The following INPP5A variants were observed in gnomAD, a reference collection of about 807,000 sequenced individuals.
The protein encoded by INPP5A is 43 kDa inositol polyphosphate 5-phophatase.
A neutral mutation model predicts 65.2 loss-of-function variants in INPP5A; 14 were observed. The observed-to-expected ratio is 0.21, with a 90% CI of 0.14 to 0.34. The LOEUF (loss-of-function observed/expected upper bound fraction) is 0.34, where lower values mean the gene tolerates loss of function less well. INPP5A is among the 10% of genes least tolerant of loss of function. INPP5A has a pLI of 1.00. For synonymous variants in INPP5A, 207 were observed against 208.3 expected (o/e 0.99, Z 0.05); for missense variants, 431 against 545.6 (o/e 0.79, Z 2.09).
At chr10:132,708,180 C>A in intron 6 of INPP5A, 133 bp from the exon 7 acceptor site, 1 of 722,948 alleles carries the variant, frequency 1.4e-6, no homozygotes, top group Non-Finnish European at 2.4e-6. Context: ...TTTAGTGGGG[C>A]GGCATCAGTG....
chr10:132,747,494 C>T (rs990611829), intron 9 of INPP5A, among the ~76,000 whole-genome samples: 1 of 152,248 alleles, frequency 6.6e-6, no homozygotes, highest in Non-Finnish European at 1.5e-5. Flanking sequence ...AGAGGCGGGT[C>T]GGGCTGCCGA....
rs2133459341 is a variant in INPP5A, at chr10:132,682,659, CA to C, written c.307-7732del. Among the ~76,000 whole-genome samples, 2 of 152,328 alleles carry C rather than the reference CA, an allele frequency of 1.3e-5. 1 individual carries two copies. The highest frequency in any genetic ancestry group is 4.1e-4 in the South Asian group (2 of 4,832). ...TGTGTCTGTGGTGACCCAGCAAGGCCATCTGTGTATTATATACATATGCACG... is the reference window on the plus strand; with the variant it reads ...TGTGTCTGTGGTGACCCAGCAAGGCCTCTGTGTATTATATACATATGCACG... On this transcript the variant is annotated intron_variant, in intron 4 of 15. Coordinates refer to ENST00000368594, the MANE Select transcript of INPP5A (RefSeq NM_005539.5).
At chr10:132,718,048 C>T (rs1845775963) in intron 8 of INPP5A, among the ~76,000 whole-genome samples, 1 of 148,334 alleles carries the variant, frequency 6.7e-6, no homozygotes, top group African/African-American at 2.5e-5. Context: ...AGACGGCTGT[C>T]TTGCGGGTTC....
rs1275544753 is a variant in INPP5A, at chr10:132,587,071, C to T, written c.76-20844C>T. Among the ~76,000 whole-genome samples the T allele has an allele frequency of 1.3e-5, 2 of 152,216 alleles. No homozygotes were observed. Among genetic ancestry groups the T allele is most frequent in the Admixed American group, 6.5e-5 (1 of 15,284 alleles). On this transcript the variant is annotated intron_variant, in intron 1 of 15. Coordinates refer to ENST00000368594, the MANE Select transcript of INPP5A (RefSeq NM_005539.5). The surrounding 1 kb of genome is among the most constrained non-coding windows in gnomAD (Gnocchi z 4.3). ...AGCAAGATCACTGTCACTAGGACTG[C>T]GTGTATTCCAGTCACAGCTGAGCCA...
In INPP5A at chr10:132,690,563, C is replaced by T. The variant is rs1004770269; in HGVS notation, c.370+108C>T. ...TGTCTCTGTGAGTGGCCACTGTGGG[C>T]TGGGTGTCTTGAGCCACTGTCCAGA... is the stretch of plus-strand genomic sequence containing the variant. On this transcript the variant is annotated intron_variant, in intron 5 of 15. Transcript: ENST00000368594. 4 of 823,882 alleles carry T rather than the reference C, an allele frequency of 4.9e-6. No individual in the cohort carries two copies. In the East Asian group the frequency reaches 9.8e-5, roughly 20 times the overall value. 51.0% of individuals were successfully genotyped at this position (823,882 alleles called of 1,614,324 possible).
rs534354832 is a variant in INPP5A, at chr10:132,690,879, C to T, written c.370+424C>T. The stretch of plus-strand genomic sequence containing the variant: ...GGAAAAGACTTGCCCTGAGACGCTC[C>T]GCTGACACAAGCTGTCCCCTCCTGT... On this transcript the variant is annotated intron_variant, in intron 5 of 15. Coordinates refer to ENST00000368594, the MANE Select transcript of INPP5A (RefSeq NM_005539.5). Among the ~76,000 whole-genome samples, 166 of 152,300 alleles carry T rather than the reference C, an allele frequency of 1.1e-3. 2 individuals are homozygous for T. The highest frequency in any genetic ancestry group is 3.8e-3 in the African/African-American group (160 of 41,562).
chr10:132,710,533 GT>G lies in INPP5A; in HGVS notation c.647+78del, dbSNP rs1417110293. 5 of 1,555,860 alleles carry G rather than the reference GT, an allele frequency of 3.2e-6. No individual in the cohort carries two copies. In the East Asian group the frequency reaches 1.2e-4, roughly 37 times the overall value. On this transcript the variant is annotated intron_variant, in intron 8 of 15. Coordinates refer to ENST00000368594, the MANE Select transcript of INPP5A (RefSeq NM_005539.5). ...CAGGCAGGTGTGAGTGGAGAGGTAGGTGTGGGCGGACAAGTAGGTATGCTGG... is the reference window on the plus strand; with the variant it reads ...CAGGCAGGTGTGAGTGGAGAGGTAGGGTGGGCGGACAAGTAGGTATGCTGG...
chr10:132,719,605 C>G (rs1845822343), intron 8 of INPP5A, among the ~76,000 whole-genome samples: 1 of 131,362 alleles, frequency 7.6e-6, no homozygotes, highest in Non-Finnish European at 1.5e-5. Context: ...TGCCTGGGTT[C>G]TTTCTGGAGG....
rs11146490 is a variant in INPP5A at position 132,741,642 on chromosome 10, G to A, written c.733-7875G>A. Among the ~76,000 whole-genome samples, 29 of 152,154 alleles carry A rather than the reference G, an allele frequency of 1.9e-4. No individual in the cohort carries two copies. Among genetic ancestry groups the A allele is most frequent in the Non-Finnish European group, 3.4e-4 (23 of 68,030 alleles). On this transcript the variant is annotated intron_variant, in intron 9 of 15. Coordinates refer to ENST00000368594, the MANE Select transcript of INPP5A (RefSeq NM_005539.5). The surrounding 1 kb of genome is among the most constrained non-coding windows in gnomAD (Gnocchi z 4.4). ...CGTCACACCCAGAACAGGATACCCC[G>A]GAATGAAGGTGGACGTTGGTATCCG...
intron 9 of INPP5A, 48 bp from the exon 10 acceptor site, chr10:132,749,469 G>A (rs763423424): frequency 2.0e-6 from 3 of 1,535,280 alleles, no homozygotes. Flanking sequence ...CGCTGCCATG[G>A]GCAGGTGGGC....
rs1033277344 is a variant in INPP5A at position 132,616,283 on chromosome 10, G to A, written c.117+8327G>A. On this transcript the variant is annotated intron_variant, in intron 2 of 15. Transcript: ENST00000368594. The surrounding 1 kb of genome is among the most constrained non-coding windows in gnomAD (Gnocchi z 4.9). ...TGTTGGTTGTGAACAAGCATCCAAG[G>A]GAGGACCACAGTGGCAGATGTGCAG... 6.6e-6 allele frequency among the ~76,000 whole-genome samples: 1 copy of A among 152,234 alleles called. No homozygotes were observed. Among genetic ancestry groups the A allele is most frequent in the African/African-American group, 2.4e-5 (1 of 41,466 alleles).
At chr10:132,720,991 T>G (rs1381958752) in intron 8 of INPP5A, among the ~76,000 whole-genome samples, 1 of 150,866 alleles carries the variant, frequency 6.6e-6, no homozygotes, top group African/African-American at 2.4e-5. Flanking sequence ...GCCTGGGTTC[T>G]GTCTGGGCAC....
intron 4 of INPP5A, among the ~76,000 whole-genome samples, chr10:132,685,260 C>T (rs960834649): frequency 6.6e-6 from 1 of 152,240 alleles, no homozygotes; most frequent in Admixed American, 6.5e-5. Context: ...TTCCCAGTGG[C>T]AGAATGCAGT....
At chr10:132,594,811 G>A (rs1482648452) in intron 1 of INPP5A, among the ~76,000 whole-genome samples, 1 of 152,128 alleles carries the variant, frequency 6.6e-6, no homozygotes, top group Non-Finnish European at 1.5e-5. Flanking sequence ...TCTGGTAGGC[G>A]GTCCCCCTGC....
intron 8 of INPP5A, among the ~76,000 whole-genome samples, chr10:132,724,790 C>T (rs1429088683): frequency 2.0e-5 from 3 of 149,732 alleles, no homozygotes; most frequent in African/African-American, 7.4e-5. Context: ...GGGGGTCACT[C>T]TCCAGAACTC....
chr10:132,581,695 T>C (rs896741466), intron 1 of INPP5A, among the ~76,000 whole-genome samples: 1 of 152,242 alleles, frequency 6.6e-6, no homozygotes, highest in African/African-American at 2.4e-5. Flanking sequence ...TTTTGCAAAG[T>C]GTCTGTTCAT....
chr10:132,602,351 A>G (rs1325746585), intron 1 of INPP5A, among the ~76,000 whole-genome samples: 1 of 152,222 alleles, frequency 6.6e-6, no homozygotes, highest in Non-Finnish European at 1.5e-5. Flanking sequence ...GCTGAAGTGC[A>G]GTGACACAGT....
In INPP5A at chr10:132,748,728, G is replaced by A. The variant is rs558710637; in HGVS notation, c.733-789G>A. ...AGCCATGCAGTGTGGGAGAGAGATC[G>A]GCACTCACTCAGCCTCCCTCTCCTC... On this transcript the variant is annotated intron_variant, in intron 9 of 15. Transcript: ENST00000368594. 1.4e-3 allele frequency among the ~76,000 whole-genome samples: 212 copies of A among 152,336 alleles called. 2 individuals carry two copies. Among genetic ancestry groups the A allele is most frequent in the African/African-American group, 4.6e-3 (192 of 41,574 alleles).
At chr10:132,713,829 C>A (rs1449205285) in intron 8 of INPP5A, among the ~76,000 whole-genome samples, 1 of 152,146 alleles carries the variant, frequency 6.6e-6, no homozygotes, top group Admixed American at 6.5e-5. Context: ...GGACTGTGCT[C>A]TCAACTGCCC....
Sources: allele counts gnomAD v4.1 joint callset (sites outside exome capture counted in the v4.1 genomes callset), GRCh38; gene constraint gnomAD v4.1.1; non-coding constraint Gnocchi (gnomAD v3.1); transcripts MANE v1.5; gene names NCBI Gene and HGNC (gene_info 2026-07-23, HGNC 2026-07-21).